Variants in ZAP70 observed in about 807,000 individuals in gnomAD.
The protein encoded by ZAP70 is tyrosine-protein kinase ZAP-70.
Under a neutral mutation model 65.8 loss-of-function variants are expected in ZAP70, and 27 were observed. The ratio of observed to expected loss-of-function variants is 0.41; its 90% CI spans 0.30 to 0.57. The LOEUF (loss-of-function observed/expected upper bound fraction) is 0.57. Ranked by LOEUF, ZAP70 falls within the 20% of genes least tolerant of loss-of-function variation. The pLI is 0.28. For synonymous variants in ZAP70, 363 were observed against 360.8 expected (o/e 1.01, Z -0.07); for missense variants, 696 against 870.5 (o/e 0.80, Z 2.52).
Position 97,734,656 on chromosome 2 carries a change from T to A in ZAP70, c.1026T>A (p.Ile342=). ...LKRDNLLIAD[I]ELGCGNFGSV... is the part of the protein sequence containing the mutation. Reference sequence around the variant, plus strand: ...GCGATAACCTCCTCATAGCTGACATTGAACTTGGCTGCGGCAACTTTGGCT... The same window carrying A: ...GCGATAACCTCCTCATAGCTGACATAGAACTTGGCTGCGGCAACTTTGGCT... The change falls in exon 9 of 14, where the codon ATT becomes ATA. Residue 342 remains isoleucine (I), a synonymous_variant. Transcript: ENST00000264972. The A allele has an allele frequency of 6.2e-7, 1 of 1,614,188 alleles. No homozygotes were observed. The highest frequency in any genetic ancestry group is 8.5e-7 in the Non-Finnish European group (1 of 1,180,034).
chr2:97,720,288 T>C (rs952635423), intron 2 of ZAP70, among the ~76,000 whole-genome samples: 1 of 152,052 alleles, frequency 6.6e-6, no homozygotes, highest in South Asian at 2.1e-4. Context: ...AGTGAAGTGG[T>C]GCGATCTCGG....
chr2:97,715,413 G>T lies in ZAP70; in HGVS notation c.-22+1419G>T, dbSNP rs947429351. ...AGCCCCTATCCTCCTGACTCACACC[G>T]CCTTTTCCCATCTCCCTTTTACAGT... On this transcript the variant is annotated intron_variant, in intron 2 of 13. Transcript: ENST00000264972. The surrounding 1 kb of genome is among the most constrained non-coding windows in gnomAD (Gnocchi z 4.1). Among the ~76,000 whole-genome samples the T allele has an allele frequency of 6.6e-6, 1 of 152,114 alleles. No homozygotes were observed. Among genetic ancestry groups the T allele is most frequent in the Non-Finnish European group, 1.5e-5 (1 of 68,014 alleles).
Position 97,731,582 on chromosome 2 carries a change from C to T in ZAP70, c.564-1301C>T, listed in dbSNP as rs1011114432. Among the ~76,000 whole-genome samples the T allele has an allele frequency of 3.9e-5, 6 of 152,172 alleles. No homozygotes were observed. The highest frequency in any genetic ancestry group is 1.2e-4 in the African/African-American group (5 of 41,426). On this transcript the variant is annotated intron_variant, in intron 4 of 13. Coordinates refer to ENST00000264972, the MANE Select transcript of ZAP70 (RefSeq NM_001079.4). This position sits in a 1 kb window ranked among gnomAD's most constrained non-coding sequence, Gnocchi z 4.0. ...CTTCACTGCACTGTACTTCGGGGAA[C>T]GTGCTGTCCAGGAATGGAGAGGATG...
At chr2:97,750,041 T>C in the ZAP70 span, among the ~76,000 whole-genome samples, 1 of 152,214 alleles carries the variant, frequency 6.6e-6, no homozygotes, top group Admixed American at 6.5e-5. Flanking sequence ...TGGCCTCATG[T>C]TTCACACCAT....
At chr2:97,747,180 C>A in the ZAP70 span, among the ~76,000 whole-genome samples, 8 of 152,312 alleles carry the variant, frequency 5.3e-5, no homozygotes, top group Non-Finnish European at 1.0e-4. Context: ...CATAGATTAA[C>A]CATCTGACCC....
rs542521786 is a variant in ZAP70, at chr2:97,720,803, C to A, written c.-21-3213C>A. On this transcript the variant is annotated intron_variant, in intron 2 of 13. Transcript: ENST00000264972. ...CCCCCTCAAGCTTGGCCCTCCCAAC[C>A]TCACTGTCACAATCAATCGGGTTAC... Among the ~76,000 whole-genome samples, 5 of 152,320 alleles carry A rather than the reference C, an allele frequency of 3.3e-5. No homozygotes were observed. In the South Asian group the frequency reaches 8.3e-4, roughly 25 times the overall value.
At chr2:97,744,972 A>G in the ZAP70 span, among the ~76,000 whole-genome samples, 2 of 152,230 alleles carry the variant, frequency 1.3e-5, 1 homozygote, top group Middle Eastern at 6.3e-3. Flanking sequence ...ACAAGCAATA[A>G]AAGAAAAATA....
At chr2:97,749,003 CCTTTT>C in the ZAP70 span, among the ~76,000 whole-genome samples, 1 of 148,196 alleles carries the variant, frequency 6.7e-6, no homozygotes, top group Non-Finnish European at 1.5e-5. Context: ...GTGACACTTC[CCTTTT>C]TTTTTTTTTT....
In ZAP70 at chr2:97,737,543, GAGA is replaced by G; in HGVS notation, c.1365_1367del (p.Lys455del). 1.9e-6 allele frequency: 3 copies of G among 1,614,124 alleles called. No individual in the cohort carries two copies. Among genetic ancestry groups the G allele is most frequent in the Non-Finnish European group, 2.5e-6 (3 of 1,179,976 alleles). On this transcript the variant is annotated inframe_deletion, in exon 11 of 14. Coordinates refer to ENST00000264972, the MANE Select transcript of ZAP70 (RefSeq NM_001079.4). The surrounding 1 kb of genome is among the most constrained non-coding windows in gnomAD (Gnocchi z 5.0). ...GTCCATGGGGATGAAGTACCTGGAG[GAGA>G]AGAACTTTGTGCACCGTGACCTGGC...
the ZAP70 span, among the ~76,000 whole-genome samples, chr2:97,746,051 G>A: frequency 6.6e-6 from 1 of 152,196 alleles, no homozygotes; most frequent in Non-Finnish European, 1.5e-5. Context: ...AAATATGCTA[G>A]TGAAAGAAGC....
downstream of ZAP70, among the ~76,000 whole-genome samples, chr2:97,740,249 C>T (rs35321446): frequency 0.032 from 4,866 of 152,040 alleles, 232 homozygotes; most frequent in African/African-American, 0.097. Context: ...AGATACAATG[C>T]TTTTCATTGG....
chr2:97,734,427 C>T (rs906983231), intron 8 of ZAP70, 93 bp from the exon 9 acceptor site: 5 of 1,488,614 alleles, frequency 3.4e-6, no homozygotes, highest in Non-Finnish European at 4.5e-6. Context: ...GGGACGGCAC[C>T]CTTGTCTGGG....
At chr2:97,734,361 G>A in intron 8 of ZAP70, 159 bp from the exon 9 acceptor site, 1 of 1,437,906 alleles carries the variant, frequency 7.0e-7, no homozygotes, top group Non-Finnish European at 9.1e-7. Flanking sequence ...ATGCCAGTGT[G>A]TGCGTGTGGA....
intron 4 of ZAP70, among the ~76,000 whole-genome samples, chr2:97,729,126 C>A (rs1327409410): frequency 7.9e-5 from 12 of 152,186 alleles, no homozygotes; most frequent in Non-Finnish European, 1.5e-4. Context: ...TTCACAATCC[C>A]CCAAAGCATA....
At chr2:97,749,170 C>T in the ZAP70 span, among the ~76,000 whole-genome samples, 1 of 152,028 alleles carries the variant, frequency 6.6e-6, no homozygotes, top group African/African-American at 2.4e-5. Context: ...CCACCAAGCC[C>T]GGCTAATTTT....
chr2:97,728,411 G>A (rs186484385), intron 4 of ZAP70, among the ~76,000 whole-genome samples: 4 of 152,372 alleles, frequency 2.6e-5, no homozygotes, highest in Admixed American at 6.5e-5. Context: ...GTCAAGAGAC[G>A]AAGCAGCTAC....
intron 2 of ZAP70, among the ~76,000 whole-genome samples, chr2:97,721,349 C>G (rs532659153): frequency 2.6e-5 from 4 of 152,114 alleles, no homozygotes; most frequent in South Asian, 4.1e-4. Flanking sequence ...ATGAATCACT[C>G]GATACACATT....
intron 7 of ZAP70, 74 bp from the exon 8 acceptor site, chr2:97,733,470 C>T: frequency 6.2e-7 from 1 of 1,606,222 alleles, no homozygotes; most frequent in South Asian, 1.1e-5. Flanking sequence ...CTCTGGGAGT[C>T]CTCAGTGGAT....
At chr2:97,744,673 GA>G (rs1678206267), downstream of ZAP70, among the ~76,000 whole-genome samples, 1 of 152,180 alleles carries the variant, frequency 6.6e-6, no homozygotes. Flanking sequence ...GTCTGAAAAA[GA>G]GAACAGAGAA....
Sources: allele counts gnomAD v4.1 joint callset (sites outside exome capture counted in the v4.1 genomes callset), GRCh38; gene constraint gnomAD v4.1.1; non-coding constraint Gnocchi (gnomAD v3.1); transcripts MANE v1.5; gene names NCBI Gene and HGNC (gene_info 2026-07-23, HGNC 2026-07-21).